The following DPP6 variants were observed in gnomAD, a reference collection of about 807,000 sequenced individuals.
DPP6 encodes dipeptidyl peptidase like 6, also known as A-type potassium channel modulatory protein DPP6.
In DPP6, 69 loss-of-function variants were observed where a neutral mutation model predicts 122.6. The ratio of observed to expected loss-of-function variants is 0.56; its 90% CI spans 0.46 to 0.69. The LOEUF (loss-of-function observed/expected upper bound fraction) is 0.69, where lower values mean the gene tolerates loss of function less well. Ranked by LOEUF, DPP6 falls within the 30% of genes least tolerant of loss-of-function variation. The probability of loss-of-function intolerance (pLI) is 0.00; values close to 1 mark genes in which losing one functional copy is unlikely to be tolerated. For missense variants in DPP6, 928 were observed against 1,116.9 expected (o/e 0.83, Z 2.41); for synonymous variants, 418 against 433.1 (o/e 0.97, Z 0.43).
the DPP6 span, among the ~76,000 whole-genome samples, chr7:153,769,973 C>T: frequency 0.012 from 1,879 of 152,190 alleles, 42 homozygotes; most frequent in African/African-American, 0.043. Context: ...GCGGAGAAGG[C>T]AGGGTTCATA....
chr7:153,757,750 G>A, the DPP6 span, among the ~76,000 whole-genome samples: 1 of 152,176 alleles, frequency 6.6e-6, no homozygotes, highest in Non-Finnish European at 1.5e-5. Flanking sequence ...TTGAGTCCAC[G>A]AGTTCAAGAT....
At chr7:154,853,944 T>A (rs2150579543) in intron 17 of DPP6, 117 bp downstream of exon 17, 2 of 1,382,836 alleles carry the variant, frequency 1.4e-6, no homozygotes, top group East Asian at 2.3e-5. Flanking sequence ...ATGAGTCATG[T>A]CCTAGCAGTT....
chr7:154,252,315 C>T (rs1387130353), intron 1 of DPP6, among the ~76,000 whole-genome samples: 3 of 152,148 alleles, frequency 2.0e-5, no homozygotes, highest in African/African-American at 7.2e-5. Flanking sequence ...TGATAAAATT[C>T]CTCCTGTTCA....
At chr7:154,678,803 A>G (rs577991503) in intron 7 of DPP6, among the ~76,000 whole-genome samples, 1 of 152,376 alleles carries the variant, frequency 6.6e-6, no homozygotes, top group Admixed American at 6.5e-5. Flanking sequence ...TAGTTGCGTG[A>G]CCTTGACTGA....
chr7:153,808,787 T>A, the DPP6 span, among the ~76,000 whole-genome samples: 1 of 152,214 alleles, frequency 6.6e-6, no homozygotes, highest in East Asian at 1.9e-4. Flanking sequence ...TTTCTTCATC[T>A]ATCAATGGAT....
intron 1 of DPP6, among the ~76,000 whole-genome samples, chr7:154,396,802 G>A (rs1815126509): frequency 6.6e-6 from 1 of 152,156 alleles, no homozygotes; most frequent in African/African-American, 2.4e-5. Context: ...AAAATTATCT[G>A]GGTGTGGTGG....
At chr7:154,181,058 A>G (rs1798058487) in intron 1 of DPP6, among the ~76,000 whole-genome samples, 1 of 152,174 alleles carries the variant, frequency 6.6e-6, no homozygotes, top group Non-Finnish European at 1.5e-5. Context: ...TGTGTTGCTT[A>G]ACTTGCGACT....
rs536909478 is a variant in DPP6, at chr7:154,057,912, G to T, written c.243+4849G>T. ...CGTCTCTAAACAACTAGACAGGGTT[G>T]CTAAAGAATGGCCCCCCTATTTGAG... On this transcript the variant is annotated intron_variant, in intron 1 of 25. Transcript: ENST00000377770. 1.1e-3 allele frequency: 167 copies of T among 147,284 alleles called. 5 individuals are homozygous for T. Among genetic ancestry groups the T allele is most frequent in the African/African-American group, 4.1e-3 (150 of 36,846 alleles). 9.1% of individuals were successfully genotyped at this position (147,284 alleles called of 1,614,324 possible).
chr7:154,788,447 A>T (rs1211256868), intron 10 of DPP6, among the ~76,000 whole-genome samples: 2 of 151,796 alleles, frequency 1.3e-5, no homozygotes, highest in Non-Finnish European at 2.9e-5. Flanking sequence ...CTGCCTCAAA[A>T]AAAAAAAAAA....
chr7:154,123,589 C>A (rs1481079023), intron 1 of DPP6, among the ~76,000 whole-genome samples: 3 of 152,168 alleles, frequency 2.0e-5, no homozygotes, highest in African/African-American at 7.2e-5. Flanking sequence ...TGGAGAGTGA[C>A]CCGTGTGCTC....
At chr7:153,806,649 A>T in the DPP6 span, among the ~76,000 whole-genome samples, 6 of 152,060 alleles carry the variant, frequency 3.9e-5, no homozygotes, top group African/African-American at 1.5e-4. Flanking sequence ...ATTCCTGTAC[A>T]ACTGTAGCAA....
At chr7:153,882,475 G>A (rs75246651), upstream of DPP6, among the ~76,000 whole-genome samples, 7 of 152,220 alleles carry the variant, frequency 4.6e-5, no homozygotes, top group Non-Finnish European at 1.0e-4. Context: ...AAATAACACT[G>A]ATAAAGTGAC....
chr7:154,008,817 A>G (rs1487616278), intron 1 of DPP6, among the ~76,000 whole-genome samples: 3 of 150,366 alleles, frequency 2.0e-5, no homozygotes, highest in South Asian at 2.1e-4. Flanking sequence ...GCCCGCCACT[A>G]CGCCCGGCTA....
rs760878094 is a variant in DPP6 at position 154,697,132 on chromosome 7, A to G, written c.762+27691A>G. 1.4e-4 allele frequency among the ~76,000 whole-genome samples: 22 copies of G among 152,182 alleles called. 1 individual carries two copies. The highest frequency in any genetic ancestry group is 3.3e-4 in the Admixed American group (5 of 15,282). ...AAGGGTTTTCCCAGGTGCTGTTTGT[A>G]GGTCACACAGGGGCACAGTATTGAT... On this transcript the variant is annotated intron_variant, in intron 7 of 25. Transcript: ENST00000377770.
chr7:154,797,119 G>T, intron 12 of DPP6, among the ~76,000 whole-genome samples: 1 of 152,182 alleles, frequency 6.6e-6, no homozygotes, highest in East Asian at 1.9e-4. Context: ...TAGACAAATT[G>T]TCAGAGAGAT....
At chr7:154,732,300 A>G (rs1225997393) in intron 8 of DPP6, among the ~76,000 whole-genome samples, 2 of 152,168 alleles carry the variant, frequency 1.3e-5, no homozygotes, top group Non-Finnish European at 2.9e-5. Context: ...TGCATGAGCT[A>G]TAGTGGGACA....
the DPP6 span, among the ~76,000 whole-genome samples, chr7:153,837,733 G>A: frequency 6.6e-6 from 1 of 151,952 alleles, no homozygotes; most frequent in Non-Finnish European, 1.5e-5. Flanking sequence ...TGCTGCCCAG[G>A]CTGGAGTGCA....
At chr7:154,134,305 A>G (rs1307722247) in intron 1 of DPP6, among the ~76,000 whole-genome samples, 5 of 152,188 alleles carry the variant, frequency 3.3e-5, no homozygotes, top group Non-Finnish European at 5.9e-5. Context: ...CTCCAGAACT[A>G]TGATCTAGTG....
intron 4 of DPP6, among the ~76,000 whole-genome samples, chr7:154,551,011 G>C (rs1001238733): frequency 1.3e-5 from 2 of 152,050 alleles, no homozygotes; most frequent in Non-Finnish European, 1.5e-5. Context: ...TGACAAAATT[G>C]GGACCTATTC....
Sources: gnomAD v4.1 joint callset for allele counts (sites outside exome capture counted in the v4.1 genomes callset) on GRCh38, gnomAD v4.1.1 for gene constraint, MANE v1.5 for transcripts, NCBI Gene and HGNC (gene_info 2026-07-23, HGNC 2026-07-21) for gene names.